HSD17B4: variants seen among roughly 807,000 people sequenced by gnomAD.
The protein encoded by HSD17B4 is hydroxysteroid 17-beta dehydrogenase 4.
Under a neutral mutation model 101.0 loss-of-function variants are expected in HSD17B4, and 70 were observed. The observed-to-expected ratio is 0.69, with a 90% confidence interval of 0.57 to 0.85. HSD17B4 has a LOEUF of 0.85. HSD17B4 is among the 40% of genes least tolerant of loss of function. The probability of loss-of-function intolerance (pLI) is 0.00; values close to 1 mark genes in which losing one functional copy is unlikely to be tolerated. For missense variants in HSD17B4, 984 were observed against 892.4 expected (o/e 1.10, Z -1.31); for synonymous variants, 347 against 297.1 (o/e 1.17, Z -1.73).
Position 119,452,508 on chromosome 5 carries a change from C to T in HSD17B4, c.-68C>T. On this transcript the variant is annotated 5_prime_UTR_variant, in exon 1 of 24. Coordinates refer to ENST00000510025, the MANE Select transcript of HSD17B4 (RefSeq NM_000414.4). ...GTCCCGCCCCCGCCATTCCCCGCCT[C>T]CTCCTGTCCCGCAGTCGGCGTCCAG... 2 of 1,612,568 alleles carry T rather than the reference C, an allele frequency of 1.2e-6. No homozygotes were observed. The highest frequency in any genetic ancestry group is 1.1e-5 in the South Asian group (1 of 91,012).
At chr5:119,520,258 A>C (rs1274351613) in intron 17 of HSD17B4, among the ~76,000 whole-genome samples, 1 of 152,026 alleles carries the variant, frequency 6.6e-6, no homozygotes, top group African/African-American at 2.4e-5. Context: ...GCAGCTGGGC[A>C]GGGCTGGAAG....
chr5:119,487,752 A>G (rs778942202), intron 8 of HSD17B4, among the ~76,000 whole-genome samples: 20 of 152,184 alleles, frequency 1.3e-4, no homozygotes, highest in Non-Finnish European at 2.6e-4. Flanking sequence ...AAATCCCTGT[A>G]CATAAATATC....
chr5:119,516,128 AT>A (rs987416103), intron 17 of HSD17B4, among the ~76,000 whole-genome samples: 5 of 151,896 alleles, frequency 3.3e-5, no homozygotes, highest in Non-Finnish European at 5.9e-5. Flanking sequence ...GTACATATGT[AT>A]TTTTTTTCTG....
At chr5:119,455,108 A>G (rs115330756) in intron 1 of HSD17B4, among the ~76,000 whole-genome samples, 26 of 152,370 alleles carry the variant, frequency 1.7e-4, no homozygotes, top group African/African-American at 6.0e-4. Context: ...CAGAAAAACA[A>G]TCCAGAAGTA....
chr5:119,517,065 G>A (rs1250809229), intron 17 of HSD17B4, among the ~76,000 whole-genome samples: 1 of 152,222 alleles, frequency 6.6e-6, no homozygotes, highest in Non-Finnish European at 1.5e-5. Flanking sequence ...GGCTGGCCAA[G>A]GCCAGAGCCG....
chr5:119,506,983 G>A, intron 15 of HSD17B4, 94 bp downstream of exon 15: 2 of 647,268 alleles, frequency 3.1e-6, no homozygotes, highest in East Asian at 6.2e-5. Context: ...TAATAAGTTA[G>A]TATTTGTCTT....
intron 22 of HSD17B4, chr5:119,535,768 A>G (rs1157353121): frequency 6.6e-6 from 1 of 151,496 alleles, no homozygotes; most frequent in Non-Finnish European, 1.5e-5. Context: ...AAGGAAGTAT[A>G]GGGGATACAA....
intron 8 of HSD17B4, among the ~76,000 whole-genome samples, chr5:119,481,692 G>C (rs977961102): frequency 2.2e-4 from 33 of 152,114 alleles, no homozygotes; most frequent in Admixed American, 6.6e-4. Context: ...TAAATGGAGT[G>C]AGCACATGCT....
In HSD17B4 at chr5:119,509,142, C is replaced by A. The variant is rs749383778; in HGVS notation, c.1335C>A (p.Val445=). The part of the protein sequence containing the change: ...KGSGVVIIMD[V]YSYSEKELIC... ...TTTTTTCTTTTATTTACTTTTCAGT[C>A]TATTCTTATTCTGAGAAGGAACTTA... Residue 445 remains valine (V), a splice_region_variant and synonymous_variant, in exon 16 of 24, where the codon GTC becomes GTA. Coordinates refer to ENST00000510025, the MANE Select transcript of HSD17B4 (RefSeq NM_000414.4). 4.0e-5 allele frequency: 60 copies of A among 1,497,194 alleles called. No homozygotes were observed. Among genetic ancestry groups the A allele is most frequent in the Non-Finnish European group, 5.3e-5 (57 of 1,073,970 alleles). 92.7% of individuals were successfully genotyped at this position (1,497,194 alleles called of 1,614,324 possible). A position where few individuals can be genotyped will look rare whatever the true frequency, so the allele number is the denominator to read the frequency against.
At chr5:119,452,857 C>G in intron 1 of HSD17B4, 1 of 1,535,342 alleles carries the variant, frequency 6.5e-7, no homozygotes, top group Non-Finnish European at 8.7e-7. Context: ...CCGGTGTGGG[C>G]TTCCCAAGGT....
At chr5:119,533,649 C>A (rs552579250) in intron 22 of HSD17B4, among the ~76,000 whole-genome samples, 1 of 152,110 alleles carries the variant, frequency 6.6e-6, no homozygotes, top group South Asian at 2.1e-4. Flanking sequence ...ACACTGTAGC[C>A]AACCAAGATC....
chr5:119,462,061 G>C (rs1459756711), intron 2 of HSD17B4, among the ~76,000 whole-genome samples: 2 of 151,980 alleles, frequency 1.3e-5, no homozygotes, highest in Non-Finnish European at 2.9e-5. Context: ...ACCCTCCAGG[G>C]TTATGAACTA....
At chr5:119,494,277 A>G (rs1222499312) in intron 11 of HSD17B4, among the ~76,000 whole-genome samples, 1 of 151,742 alleles carries the variant, frequency 6.6e-6, no homozygotes, top group African/African-American at 2.4e-5. Flanking sequence ...ACCTACCTAT[A>G]TGCTCCCAAT....
chr5:119,518,526 G>A (rs966145459), intron 17 of HSD17B4, among the ~76,000 whole-genome samples: 1 of 152,184 alleles, frequency 6.6e-6, no homozygotes, highest in South Asian at 2.1e-4. Flanking sequence ...CTCCGGATAT[G>A]TAGGGCTTGC....
intron 2 of HSD17B4, among the ~76,000 whole-genome samples, chr5:119,468,776 C>G (rs1293078882): frequency 1.3e-5 from 2 of 150,728 alleles, no homozygotes; most frequent in East Asian, 1.9e-4. Context: ...CTACCATAGG[C>G]TTTCTTCATT....
At position 119,518,263 on chromosome 5, in the gene HSD17B4, C is replaced by T. The variant is rs545132380; in HGVS notation, c.1503+3217C>T. 4.6e-5 allele frequency among the ~76,000 whole-genome samples: 7 copies of T among 152,268 alleles called. No homozygotes were observed. The South Asian group carries it at 1.2e-3, about 27-fold the overall frequency. ...AACTCCAGACGTGCTGCCTTAAGAG[C>T]TGTAACACTCACCGCGAAGGTCTGC... On this transcript the variant is annotated intron_variant, in intron 17 of 23. Coordinates refer to ENST00000510025, the MANE Select transcript of HSD17B4 (RefSeq NM_000414.4).
chr5:119,527,064 A>AT lies in HSD17B4; in HGVS notation c.1681-63dup, dbSNP rs528504054. 1.9e-5 allele frequency: 18 copies of AT among 924,478 alleles called. No individual in the cohort carries two copies. In the East Asian group the frequency reaches 3.7e-4, roughly 19 times the overall value. 57.3% of individuals were successfully genotyped at this position (924,478 alleles called of 1,614,324 possible). A position where few individuals can be genotyped will look rare whatever the true frequency, so the allele number is the denominator to read the frequency against. On this transcript the variant is annotated intron_variant, in intron 19 of 23. Coordinates refer to ENST00000510025, the MANE Select transcript of HSD17B4 (RefSeq NM_000414.4). ...TTTGTGCTCTCTAGTTTCCTTTCCA[A>AT]TTTTTTCCTCCTACAAGTAAAAGAG...
intron 17 of HSD17B4, among the ~76,000 whole-genome samples, chr5:119,520,365 G>A (rs926166676): frequency 6.6e-6 from 1 of 152,026 alleles, no homozygotes; most frequent in African/African-American, 2.4e-5. Context: ...TCTTCATGTG[G>A]TGTATCATCT....
rs914814305 is a variant in HSD17B4 at position 119,471,350 on chromosome 5, C to CA, written c.113-2549dup. Among the ~76,000 whole-genome samples, 10 of 150,810 alleles carry CA rather than the reference C, an allele frequency of 6.6e-5. No homozygotes were observed. In the Middle Eastern group the frequency reaches 0.01, roughly 154 times the overall value. On this transcript the variant is annotated intron_variant, in intron 2 of 23. Coordinates refer to ENST00000510025, the MANE Select transcript of HSD17B4 (RefSeq NM_000414.4). Reference sequence around the variant, plus strand: ...AGTAAGACTTATCATATTATACTATCAAAAAAAAATCTCAGTCCACATTTT... The same window carrying CA: ...AGTAAGACTTATCATATTATACTATCAAAAAAAAAATCTCAGTCCACATTTT...
Sources: allele counts gnomAD v4.1 joint callset (sites outside exome capture counted in the v4.1 genomes callset), GRCh38; gene constraint gnomAD v4.1.1; transcripts MANE v1.5; gene names NCBI Gene and HGNC (gene_info 2026-07-23, HGNC 2026-07-21).